Variants in MAPKBP1 observed in about 807,000 individuals in gnomAD.
The protein encoded by MAPKBP1 is mitogen-activated protein kinase-binding protein 1.
Under a neutral mutation model 170.5 loss-of-function variants are expected in MAPKBP1, and 71 were observed. That is an observed-to-expected ratio of 0.42 (90% confidence interval 0.34 to 0.51). The LOEUF is 0.51. Ranked by LOEUF, MAPKBP1 falls within the 20% of genes least tolerant of loss-of-function variation. MAPKBP1 has a pLI of 0.06. For missense variants in MAPKBP1, 1,598 were observed against 1,933.0 expected, an observed-to-expected ratio of 0.83 and a Z score of 3.25; for synonymous variants, 719 against 757.9, an observed-to-expected ratio of 0.95 and a Z score of 0.84.
At chr15:41,780,097 C>T (rs562255215) in intron 2 of MAPKBP1, among the ~76,000 whole-genome samples, 1 of 152,240 alleles carries the variant, frequency 6.6e-6, no homozygotes, top group East Asian at 1.9e-4. Context: ...AGTTGTCTTT[C>T]GAAACCTCCT....
intron 25 of MAPKBP1, 35 bp from the exon 26 acceptor site, chr15:41,822,190 G>A (rs368723261): frequency 4.6e-5 from 74 of 1,605,800 alleles, no homozygotes; most frequent in South Asian, 3.4e-4. Context: ...ACAGATGGGT[G>A]CAGTGCGATG....
Position 41,814,662 on chromosome 15 carries a change from T to C in MAPKBP1, c.1093T>C (p.Trp365Arg). 6.2e-7 allele frequency: 1 copy of C among 1,614,262 alleles called. No individual in the cohort carries two copies. Reference sequence around the variant, plus strand: ...GTACAACGATCATAGCATTTATGTTTGGGATGTGAGGGACCCCAAGAAAGT... The same window carrying C: ...GTACAACGATCATAGCATTTATGTTCGGGATGTGAGGGACCCCAAGAAAGT... ...CVYNDHSIYV[W>R]DVRDPKKVGK... Residue 365 changes from tryptophan (W) to arginine (R), a missense_variant, in exon 10 of 31, where the codon TGG (tryptophan) becomes CGG (arginine). Trp to Arg is a moderately radical substitution (Grantham distance 101). Transcript: ENST00000457542.
At position 41,823,146 on chromosome 15, in the gene MAPKBP1, TC is replaced by T; in HGVS notation, c.3525del (p.Lys1176ArgfsTer153). ...GTCTCAACCCTGACAGCAGCTGGGC[TC>T]CCAAGAGAGTGGCCACAGCCAGCCC... ...CRLNPDSSWA[P>X]KRVATASPFS... On this transcript the variant is annotated frameshift_variant, in exon 28 of 31. Transcript: ENST00000457542. LOFTEE classifies it high-confidence loss of function. The T allele has an allele frequency of 6.2e-7, 1 of 1,613,596 alleles. No individual in the cohort carries two copies. The highest frequency in any genetic ancestry group is 8.5e-7 in the Non-Finnish European group (1 of 1,180,010).
chr15:41,797,677 T>C (rs950415654), intron 2 of MAPKBP1, among the ~76,000 whole-genome samples: 17 of 152,210 alleles, frequency 1.1e-4, no homozygotes, highest in African/African-American at 3.9e-4. Context: ...TGTTCCACAC[T>C]AGGTTTAGTG....
intron 3 of MAPKBP1, among the ~76,000 whole-genome samples, chr15:41,803,274 C>T (rs961386687): frequency 3.3e-5 from 5 of 151,716 alleles, no homozygotes; most frequent in Non-Finnish European, 7.4e-5. Context: ...ATTAGCCTGG[C>T]GTGATGGCGG....
At chr15:41,786,707 G>C (rs2064297594) in intron 2 of MAPKBP1, among the ~76,000 whole-genome samples, 1 of 139,436 alleles carries the variant, frequency 7.2e-6, no homozygotes, top group Admixed American at 7.6e-5. Context: ...AGAGCTTGCA[G>C]TGAGCCAAGA....
intron 2 of MAPKBP1, among the ~76,000 whole-genome samples, chr15:41,793,968 A>C (rs2064439975): frequency 6.6e-6 from 1 of 152,084 alleles, no homozygotes; most frequent in Admixed American, 6.6e-5. Flanking sequence ...GCGGTGGCTC[A>C]CTCCTGTAAT....
At chr15:41,821,924 C>G (rs916473222) in intron 24 of MAPKBP1, 41 bp from the exon 25 acceptor site, 1 of 1,600,918 alleles carries the variant, frequency 6.2e-7, no homozygotes, top group Admixed American at 1.7e-5. Flanking sequence ...CTGCCTACCC[C>G]TGCTCACTGC....
At chr15:41,774,935 C>T (rs778878097) in intron 1 of MAPKBP1, 2 of 478,014 alleles carry the variant, frequency 4.2e-6, no homozygotes, top group South Asian at 8.7e-5. Context: ...CCCATCCCAT[C>T]CATCTCGCCA....
intron 2 of MAPKBP1, among the ~76,000 whole-genome samples, chr15:41,791,946 T>C (rs1186509607): frequency 1.3e-5 from 2 of 151,844 alleles, no homozygotes; most frequent in East Asian, 3.9e-4. Flanking sequence ...TCCCAGCTAC[T>C]TGGGAGGCTG....
At position 41,822,669 on chromosome 15, in the gene MAPKBP1, C is replaced by T. The variant is rs756357663; in HGVS notation, c.3306C>T (p.Arg1102=). Residue 1102 remains arginine, a synonymous_variant, in exon 27 of 31, where the codon CGC becomes CGT. Coordinates refer to ENST00000457542, the MANE Select transcript of MAPKBP1 (RefSeq NM_014994.3). ...GATTCCTGTTGCAAGTACAGACCCG[C>T]CCACTCAGGTACAGAGGCCCCCTAC... ...SSRFLLQVQT[R]PLREPSPSSS... is the part of the protein sequence containing the mutation. The T allele has an allele frequency of 4.3e-6, 7 of 1,613,930 alleles. No individual in the cohort carries two copies. Among genetic ancestry groups the T allele is most frequent in the East Asian group, 2.2e-5 (1 of 44,890 alleles).
Position 41,812,859 on chromosome 15 carries a change from C to T in MAPKBP1, c.637-60C>T. 3.3e-6 allele frequency: 5 copies of T among 1,537,176 alleles called. No individual in the cohort carries two copies. The East Asian group carries it at 1.1e-4, about 35-fold the overall frequency. On this transcript the variant is annotated intron_variant, in intron 7 of 30. Coordinates refer to ENST00000457542, the MANE Select transcript of MAPKBP1 (RefSeq NM_014994.3). Reference sequence around the variant, plus strand: ...GGCGTCCCCTGTACTCTCCTAGGGCCCAGTTTCCAGGGGCAGGCTCTGGGG... The same window carrying T: ...GGCGTCCCCTGTACTCTCCTAGGGCTCAGTTTCCAGGGGCAGGCTCTGGGG...
In MAPKBP1 at chr15:41,817,336, T is replaced by C; in HGVS notation, c.1712-52T>C. Reference sequence around the variant, plus strand: ...CATGGAGGGAAGGTGGGAGGCAGGCTGCTCCCATGTGGTGAGAACAGTGGG... The same window carrying C: ...CATGGAGGGAAGGTGGGAGGCAGGCCGCTCCCATGTGGTGAGAACAGTGGG... On this transcript the variant is annotated intron_variant, in intron 14 of 30. Transcript: ENST00000457542. This position sits in a 1 kb window ranked among gnomAD's most constrained non-coding sequence, Gnocchi z 4.2. 1.3e-6 allele frequency: 2 copies of C among 1,558,920 alleles called. No homozygotes were observed. The highest frequency in any genetic ancestry group is 2.2e-5 in the South Asian group (2 of 90,036).
intron 3 of MAPKBP1, among the ~76,000 whole-genome samples, chr15:41,801,721 G>T (rs184404065): frequency 6.6e-6 from 1 of 152,208 alleles, no homozygotes; most frequent in East Asian, 1.9e-4. Context: ...GTGATGGCGG[G>T]TGCTGGTAGT....
At chr15:41,811,912 T>G in intron 5 of MAPKBP1, 45 bp from the exon 6 acceptor site, 2 of 1,605,966 alleles carry the variant, frequency 1.2e-6, no homozygotes, top group Non-Finnish European at 1.7e-6. Flanking sequence ...GCTGTATGCC[T>G]GTGGAGAAGT....
intron 3 of MAPKBP1, among the ~76,000 whole-genome samples, chr15:41,808,156 G>A (rs1198197351): frequency 6.9e-6 from 1 of 144,640 alleles, no homozygotes; most frequent in Non-Finnish European, 1.5e-5. Context: ...ACCCAGGCTG[G>A]AGTGCCATGG....
chr15:41,826,085 A>G lies in MAPKBP1; in HGVS notation c.*649A>G, dbSNP rs369032981. 2.6e-5 allele frequency: 4 copies of G among 152,770 alleles called. No individual in the cohort carries two copies. The highest frequency in any genetic ancestry group is 5.9e-5 in the Non-Finnish European group (4 of 68,142). 9.5% of individuals were successfully genotyped at this position (152,770 alleles called of 1,614,324 possible). A position where few individuals can be genotyped will look rare whatever the true frequency, so the allele number is the denominator to read the frequency against. On this transcript the variant is annotated 3_prime_UTR_variant, in exon 31 of 31. Transcript: ENST00000457542. ...ATTCTCCCTCCAAGAGGGGCCCAGC[A>G]TTGTATTTCCCTGTGACCCCTTACT... is the stretch of plus-strand genomic sequence containing the variant.
At chr15:41,793,992 G>C (rs1348471568) in intron 2 of MAPKBP1, among the ~76,000 whole-genome samples, 1 of 152,182 alleles carries the variant, frequency 6.6e-6, no homozygotes, top group Non-Finnish European at 1.5e-5. Flanking sequence ...CACTTTGGGA[G>C]GCCAAGGTGG....
In MAPKBP1 at chr15:41,774,507, C is replaced by T. The variant is rs1035811267; in HGVS notation, c.-213C>T. On this transcript the variant is annotated 5_prime_UTR_variant, in exon 1 of 31. Transcript: ENST00000457542. ...TTGAGCCGATCGTGCCACCATAGCT[C>T]CTGCTGCTGCCTCTACCGCTGCGGC... The T allele has an allele frequency of 1.0e-5, 4 of 398,380 alleles. No individual in the cohort carries two copies. Among genetic ancestry groups the T allele is most frequent in the African/African-American group, 6.2e-5 (3 of 48,628 alleles). 24.7% of individuals were successfully genotyped at this position (398,380 alleles called of 1,614,324 possible).
Sources: gnomAD v4.1 joint callset for allele counts (sites outside exome capture counted in the v4.1 genomes callset) on GRCh38, gnomAD v4.1.1 for gene constraint, Gnocchi (gnomAD v3.1) non-coding constraint, MANE v1.5 for transcripts, NCBI Gene and HGNC (gene_info 2026-07-23, HGNC 2026-07-21) for gene names.